Variants in CEP43 observed in about 807,000 individuals in gnomAD.
CEP43 encodes FGFR1 oncogene partner.
CEP43 carries 36 observed loss-of-function variants against 52.6 expected under a neutral mutation model. The ratio of observed to expected loss-of-function variants is 0.68; its 90% CI spans 0.52 to 0.90. The LOEUF is 0.90. Among genes scored for constraint, CEP43 ranks in the 40% least tolerant of loss-of-function variants. The pLI is 0.00. For missense variants in CEP43, 506 were observed against 472.8 expected (o/e 1.07, Z -0.65); for synonymous variants, 192 against 172.4 (o/e 1.11, Z -0.89).
At chr6:167,015,977 A>G (rs1293795634) in intron 7 of CEP43, among the ~76,000 whole-genome samples, 1 of 152,110 alleles carries the variant, frequency 6.6e-6, no homozygotes, top group Non-Finnish European at 1.5e-5. Context: ...TTTGAAATAT[A>G]TATTAATACT....
Position 167,039,565 on chromosome 6 carries a change from C to T in CEP43, c.1126-339C>T, listed in dbSNP as rs192343716. 2.1e-3 allele frequency among the ~76,000 whole-genome samples: 325 copies of T among 152,250 alleles called. 3 individuals carry two copies. Among genetic ancestry groups the T allele is most frequent in the South Asian group, 0.016 (79 of 4,820 alleles). ...TCGGAATTGTGCTGCTGTAAACATG[C>T]GTGTGCAAGTATCTTTTTCATATAA... On this transcript the variant is annotated intron_variant, in intron 12 of 12. Transcript: ENST00000366847.
rs910687290 is a variant in CEP43 at position 167,048,435 on chromosome 6, C to T, written c.*8457C>T. 2.0e-5 allele frequency: 3 copies of T among 152,214 alleles called. No individual in the cohort carries two copies. Among genetic ancestry groups the T allele is most frequent in the Admixed American group, 2.0e-4 (3 of 15,284 alleles). The allele number at this position is 152,214 out of a possible 1,614,324, so 9.4% of individuals were successfully genotyped here. A position where few individuals can be genotyped will look rare whatever the true frequency, so the allele number is the denominator to read the frequency against. The stretch of plus-strand genomic sequence containing the variant: ...GTCCCAGCTACTCGGGAGGCTGAGG[C>T]AGGAGGATTGCAGGAGGTTTGCTTG... On this transcript the variant is annotated 3_prime_UTR_variant, in exon 13 of 13. Transcript: ENST00000366847.
At chr6:167,020,013 C>T (rs940435632) in intron 7 of CEP43, among the ~76,000 whole-genome samples, 5 of 152,184 alleles carry the variant, frequency 3.3e-5, no homozygotes, top group Non-Finnish European at 5.9e-5. Context: ...TTAAATATCA[C>T]ATCAGGGTAT....
intron 11 of CEP43, 56 bp from the exon 12 acceptor site, chr6:167,033,819 T>C (rs1168486880): frequency 1.3e-6 from 1 of 771,004 alleles, no homozygotes; most frequent in Non-Finnish European, 2.2e-6. Context: ...AGAATAGTAA[T>C]CTCTTTAAAT....
intron 10 of CEP43, chr6:167,027,857 C>G: frequency 1.0e-6 from 1 of 985,504 alleles, no homozygotes; most frequent in Non-Finnish European, 1.2e-6. Flanking sequence ...ACTTTTCCCC[C>G]CATTTGCAGA....
chr6:167,005,805 C>T (rs560516274), intron 5 of CEP43, among the ~76,000 whole-genome samples: 80 of 152,346 alleles, frequency 5.3e-4, no homozygotes, highest in African/African-American at 1.9e-3. Context: ...TATTGGCTTT[C>T]CCCTCTCGGC....
At chr6:167,000,260 C>T (rs775497555) in intron 2 of CEP43, 147 bp downstream of exon 2, 10 of 574,614 alleles carry the variant, frequency 1.7e-5, no homozygotes, top group African/African-American at 3.9e-5. Flanking sequence ...TGAGAGAGAG[C>T]CAAAATTATT....
At chr6:167,000,190 A>G (rs2128656068) in intron 2 of CEP43, 77 bp downstream of exon 2, 1 of 1,129,448 alleles carries the variant, frequency 8.9e-7, no homozygotes, top group East Asian at 2.4e-5. Flanking sequence ...CGTCTTAAAA[A>G]TAGTTTATAG....
At position 167,049,760 on chromosome 6, in the gene CEP43, T is replaced by C. The variant is rs1374026308; in HGVS notation, c.*9782T>C. ...GAGCCTCTGAGTAATATAATAACTC[T>C]ATGTTTGGTGTTTTGAAGAATTGCT... On this transcript the variant is annotated 3_prime_UTR_variant, in exon 13 of 13. Transcript: ENST00000366847. 6.6e-6 allele frequency: 1 copy of C among 152,248 alleles called. No individual in the cohort carries two copies. The highest frequency in any genetic ancestry group is 1.5e-5 in the Non-Finnish European group (1 of 68,048). The allele number at this position is 152,248 out of a possible 1,614,324, so 9.4% of individuals were successfully genotyped here. A position where few individuals can be genotyped will look rare whatever the true frequency, so the allele number is the denominator to read the frequency against.
chr6:167,033,128 T>TTG (rs1554276378), intron 11 of CEP43, among the ~76,000 whole-genome samples: 9 of 80,940 alleles, frequency 1.1e-4, no homozygotes, highest in Admixed American at 3.4e-4. Flanking sequence ...TTTTTTTTTT[T>TTG]GAGACAGAGT....
chr6:167,013,850 G>A (rs1321801856), intron 7 of CEP43, among the ~76,000 whole-genome samples: 1 of 152,248 alleles, frequency 6.6e-6, no homozygotes, highest in Non-Finnish European at 1.5e-5. Context: ...GTGTGCGCCT[G>A]TAATCCCAGC....
chr6:167,033,757 A>T, intron 11 of CEP43, 118 bp from the exon 12 acceptor site: 2 of 476,610 alleles, frequency 4.2e-6, no homozygotes, highest in Non-Finnish European at 7.3e-6. Context: ...AATTAATTAT[A>T]GTTAATATTA....
rs1217819588 is a variant in CEP43, at chr6:167,049,629, G to C, written c.*9651G>C. On this transcript the variant is annotated 3_prime_UTR_variant, in exon 13 of 13. Transcript: ENST00000366847. ...TCATTGGTTGATGGACATTTGGGTT[G>C]TTTCCACTTTTTCTGCTGTTGTGAA... is the stretch of plus-strand genomic sequence containing the variant. 1 of 152,204 alleles carries C rather than the reference G, an allele frequency of 6.6e-6. No homozygotes were observed. The highest frequency in any genetic ancestry group is 2.4e-5 in the African/African-American group (1 of 41,448). The allele number at this position is 152,204 out of a possible 1,614,324, so 9.4% of individuals were successfully genotyped here.
At position 167,040,178 on chromosome 6, in the gene CEP43, T is replaced by G. The variant is rs894821791; in HGVS notation, c.*200T>G. 5.2e-6 allele frequency: 8 copies of G among 1,530,668 alleles called. No individual in the cohort carries two copies. Among genetic ancestry groups the G allele is most frequent in the South Asian group, 1.2e-5 (1 of 82,956 alleles). 94.8% of individuals were successfully genotyped at this position (1,530,668 alleles called of 1,614,324 possible). A position where few individuals can be genotyped will look rare whatever the true frequency, so the allele number is the denominator to read the frequency against. ...CTATTTGAGCCCATGTGTGGAAGAT[T>G]TAATATTCTTAATTTAACTGTACAT... On this transcript the variant is annotated 3_prime_UTR_variant, in exon 13 of 13. Transcript: ENST00000366847.
At chr6:167,019,521 C>T (rs1780178766) in intron 7 of CEP43, among the ~76,000 whole-genome samples, 1 of 152,040 alleles carries the variant, frequency 6.6e-6, no homozygotes, top group Non-Finnish European at 1.5e-5. Flanking sequence ...CAAAAATGAG[C>T]CATAGTTATA....
chr6:167,047,136 A>ATG lies in CEP43; in HGVS notation c.*7160_*7161dup, dbSNP rs1352026884. The ATG allele has an allele frequency of 6.6e-6, 1 of 152,120 alleles. No individual in the cohort carries two copies. Among genetic ancestry groups the ATG allele is most frequent in the African/African-American group, 2.4e-5 (1 of 41,380 alleles). 9.4% of individuals were successfully genotyped at this position (152,120 alleles called of 1,614,324 possible). The stretch of plus-strand genomic sequence containing the variant: ...TGAGCAAACCTTCTTCAGAGAGGGG[A>ATG]TGTTCAATGCGAAATTTGAACATTG... On this transcript the variant is annotated 3_prime_UTR_variant, in exon 13 of 13. Coordinates refer to ENST00000366847, the MANE Select transcript of CEP43 (RefSeq NM_007045.4).
chr6:167,013,603 GT>G, intron 7 of CEP43, 36 bp downstream of exon 7: 1 of 1,584,892 alleles, frequency 6.3e-7, no homozygotes, highest in Non-Finnish European at 8.7e-7. Context: ...AAAGCAGCCT[GT>G]GGGCATCAGG....
In CEP43 at chr6:167,026,482, T is replaced by C. The variant is rs1780358463; in HGVS notation, c.920-65T>C. 3.0e-6 allele frequency: 3 copies of C among 1,013,624 alleles called. No individual in the cohort carries two copies. In the East Asian group the frequency reaches 7.2e-5, roughly 24 times the overall value. The allele number at this position is 1,013,624 out of a possible 1,614,324, so 62.8% of individuals were successfully genotyped here. A position where few individuals can be genotyped will look rare whatever the true frequency, so the allele number is the denominator to read the frequency against. ...CCCCATATTGAACAACGACAAAAAT[T>C]GATGTGGTTTAGAGACTGTTATATT... On this transcript the variant is annotated intron_variant, in intron 9 of 12. Transcript: ENST00000366847.
intron 12 of CEP43, chr6:167,036,585 C>T (rs1195923741): frequency 3.0e-6 from 3 of 985,260 alleles, no homozygotes; most frequent in Non-Finnish European, 3.6e-6. Context: ...AACATTTACA[C>T]TTCATAAAAC....
Sources: gnomAD v4.1 joint callset for allele counts (sites outside exome capture counted in the v4.1 genomes callset) on GRCh38, gnomAD v4.1.1 for gene constraint, MANE v1.5 for transcripts, NCBI Gene and HGNC (gene_info 2026-07-23, HGNC 2026-07-21) for gene names.